Variants in CUX1 observed in about 807,000 individuals in gnomAD.
The protein encoded by CUX1 is cut like homeobox 1.
CUX1 carries 31 observed loss-of-function variants against 158.8 expected under a neutral mutation model. The observed-to-expected ratio is 0.20, with a 90% CI of 0.15 to 0.26. The LOEUF (loss-of-function observed/expected upper bound fraction) is 0.26. Among genes scored for constraint, CUX1 ranks in the 10% least tolerant of loss-of-function variants. CUX1 has a pLI of 1.00. For missense variants in CUX1, 1,589 were observed against 2,014.6 expected (o/e 0.79, Z 4.04); for synonymous variants, 879 against 862.1 (o/e 1.02, Z -0.34).
At chr7:101,999,653 C>T (rs974944124) in intron 2 of CUX1, among the ~76,000 whole-genome samples, 10 of 152,190 alleles carry the variant, frequency 6.6e-5, no homozygotes, top group Non-Finnish European at 1.3e-4. Context: ...CAGAGGATGA[C>T]GGGCTCGTCT....
rs555009183 is a variant in CUX1, at chr7:101,916,653, G to C, written c.141+428G>C. On this transcript the variant is annotated intron_variant, in intron 2 of 23. Transcript: ENST00000292535. The surrounding 1 kb of genome is among the most constrained non-coding windows in gnomAD (Gnocchi z 4.4). Reference sequence around the variant, plus strand: ...TGCTGGTGCAGGCGGAGTGTCTGAAGGCTGCACGCATCTGGGCATAGCAGT... The same window carrying C: ...TGCTGGTGCAGGCGGAGTGTCTGAACGCTGCACGCATCTGGGCATAGCAGT... The C allele has an allele frequency of 5.0e-6, 1 of 200,558 alleles. No individual in the cohort carries two copies. Among genetic ancestry groups the C allele is most frequent in the East Asian group, 1.1e-4 (1 of 8,944 alleles). The allele number at this position is 200,558 out of a possible 1,614,324, so 12.4% of individuals were successfully genotyped here.
chr7:102,097,516 C>G lies in CUX1; in HGVS notation c.406+15C>G. On this transcript the variant is annotated intron_variant, in intron 5 of 23. Transcript: ENST00000292535. ...GAAAAATCAAGGTTGGTGGAAAATG[C>G]GTTCTTTGCTTTTTCTTTTCTTCTT... 2 of 1,572,192 alleles carry G rather than the reference C, an allele frequency of 1.3e-6. No individual in the cohort carries two copies. The highest frequency in any genetic ancestry group is 1.7e-6 in the Non-Finnish European group (2 of 1,167,076).
intron 9 of CUX1, among the ~76,000 whole-genome samples, chr7:102,168,374 G>A (rs899585401): frequency 2.0e-5 from 3 of 152,076 alleles, no homozygotes; most frequent in Non-Finnish European, 2.9e-5. Flanking sequence ...TTGGCTGGGC[G>A]CGGTGGCTCA....
chr7:101,874,911 C>T (rs1468884946), intron 1 of CUX1, among the ~76,000 whole-genome samples: 1 of 152,214 alleles, frequency 6.6e-6, no homozygotes, highest in East Asian at 1.9e-4. Flanking sequence ...TGGGGGGCCG[C>T]CTGTCCCAGA....
intron 9 of CUX1, among the ~76,000 whole-genome samples, chr7:102,165,122 C>T (rs561811632): frequency 6.6e-6 from 1 of 152,212 alleles, no homozygotes; most frequent in South Asian, 2.1e-4. Context: ...AGGTCTGGGG[C>T]CATGTCGCAC....
At chr7:101,832,593 A>G (rs1794169134) in intron 1 of CUX1, among the ~76,000 whole-genome samples, 1 of 152,078 alleles carries the variant, frequency 6.6e-6, no homozygotes, top group South Asian at 2.1e-4. Flanking sequence ...TCCTTTATTC[A>G]TCCCTATTTG....
rs28494605 is a variant in CUX1 at position 101,894,158 on chromosome 7, G to A, written c.31-21957G>A. 6.4e-3 allele frequency among the ~76,000 whole-genome samples: 973 copies of A among 152,298 alleles called. 12 individuals are homozygous for A. Among genetic ancestry groups the A allele is most frequent in the African/African-American group, 0.023 (948 of 41,556 alleles). On this transcript the variant is annotated intron_variant, in intron 1 of 23. Coordinates refer to ENST00000292535, the MANE Select transcript of CUX1 (RefSeq NM_181552.4). ...CACCATAGTGGGTCGCCAAGTAGGAGAATGTCTTATGTAGGGATTTGGTGG... is the reference window on the plus strand; with the variant it reads ...CACCATAGTGGGTCGCCAAGTAGGAAAATGTCTTATGTAGGGATTTGGTGG...
Position 101,873,261 on chromosome 7 carries a change from G to A in CUX1, c.31-42854G>A, listed in dbSNP as rs188417512. On this transcript the variant is annotated intron_variant, in intron 1 of 23. Coordinates refer to ENST00000292535, the MANE Select transcript of CUX1 (RefSeq NM_181552.4). ...GTACAGGTTTGTTACATAGGTAAAC[G>A]TGTGTACCATGGTGGTTTGCTGCAC... Among the ~76,000 whole-genome samples the A allele has an allele frequency of 2.7e-3, 409 of 149,164 alleles. 2 individuals are homozygous for A. Among genetic ancestry groups the A allele is most frequent in the Middle Eastern group, 6.8e-3 (2 of 292 alleles).
rs782606547 is a variant in CUX1 at position 102,275,246 on chromosome 7, G to A, written c.1451-1G>A. ...CCAAGCCACCCTCCTCTACCTGCTA[G>A]GACCTGCAGCACCAGCCAGCGGTGC... is the stretch of plus-strand genomic sequence containing the variant. On this transcript the variant is annotated splice_acceptor_variant, in intron 16 of 22. Coordinates refer to the CUX1 transcript ENST00000292538. LOFTEE classifies it high-confidence loss of function. 5 of 1,604,734 alleles carry A rather than the reference G, an allele frequency of 3.1e-6. No homozygotes were observed. The highest frequency in any genetic ancestry group is 4.3e-6 in the Non-Finnish European group (5 of 1,175,452).
intron 2 of CUX1, among the ~76,000 whole-genome samples, chr7:102,027,523 A>G (rs565091226): frequency 6.6e-6 from 1 of 152,264 alleles, no homozygotes; most frequent in South Asian, 2.1e-4. Flanking sequence ...AGTCTGTAGC[A>G]CATTCAAAAT....
intron 4 of CUX1, among the ~76,000 whole-genome samples, chr7:102,084,882 T>TG (rs58542842): frequency 3.0e-5 from 4 of 131,482 alleles, no homozygotes; most frequent in South Asian, 4.5e-4. Context: ...TTTTTTTTTT[T>TG]GGCACTTGCT....
At chr7:102,089,105 CTG>C (rs1324148044) in intron 4 of CUX1, among the ~76,000 whole-genome samples, 46 of 152,176 alleles carry the variant, frequency 3.0e-4, no homozygotes, top group Admixed American at 9.2e-4. Context: ...TTTTCTTTCA[CTG>C]TGTCTAATCT....
At chr7:102,182,557 G>A (rs567327504) in intron 11 of CUX1, among the ~76,000 whole-genome samples, 4 of 152,290 alleles carry the variant, frequency 2.6e-5, no homozygotes, top group South Asian at 2.1e-4. Context: ...CGCTATCCAC[G>A]TGTGTCATGG....
rs1018671734 is a variant in CUX1 at position 102,239,324 on chromosome 7, C to T, written c.3627C>T (p.Tyr1209=). 5 of 1,602,650 alleles carry T rather than the reference C, an allele frequency of 3.1e-6. No homozygotes were observed. The highest frequency in any genetic ancestry group is 1.3e-5 in the African/African-American group (1 of 74,856). Residue 1209 remains tyrosine (Y), a synonymous_variant, in exon 23 of 24, where the codon TAC becomes TAT. Coordinates refer to ENST00000292535, the MANE Select transcript of CUX1 (RefSeq NM_181552.4). Reference sequence around the variant, plus strand: ...CTGCCATCTCTTCCTCCGCAGCCTACATGAAGCGGCGGCACAGCTCAGTCA... The same window carrying T: ...CTGCCATCTCTTCCTCCGCAGCCTATATGAAGCGGCGGCACAGCTCAGTCA... ...MDMKRMEKKA[Y]MKRRHSSVSD...
chr7:101,963,311 G>A (rs1222807589), intron 2 of CUX1, among the ~76,000 whole-genome samples: 3 of 152,196 alleles, frequency 2.0e-5, no homozygotes, highest in Non-Finnish European at 2.9e-5. Context: ...AATCACATGG[G>A]TTAGGTGCCC....
chr7:102,223,894 G>A (rs781854605), intron 20 of CUX1, among the ~76,000 whole-genome samples: 4 of 152,094 alleles, frequency 2.6e-5, no homozygotes, highest in Non-Finnish European at 2.9e-5. Flanking sequence ...GTTTGAACCC[G>A]GGAGGCGGAA....
intron 1 of CUX1, among the ~76,000 whole-genome samples, chr7:101,855,553 T>C (rs546456552): frequency 1.3e-5 from 2 of 152,342 alleles, no homozygotes; most frequent in South Asian, 4.1e-4. Flanking sequence ...ACATTCATTT[T>C]GGTACTTTCT....
intron 15 of CUX1, among the ~76,000 whole-genome samples, chr7:102,273,968 C>T (rs1283161530): frequency 3.9e-5 from 6 of 152,238 alleles, no homozygotes; most frequent in Admixed American, 6.5e-5. Context: ...CAGGGAGGCC[C>T]AGGTGTCTGA....
intron 8 of CUX1, among the ~76,000 whole-genome samples, chr7:102,142,823 G>A (rs1334092934): frequency 6.6e-6 from 1 of 151,190 alleles, no homozygotes; most frequent in African/African-American, 2.4e-5. Flanking sequence ...TTGGGAGGCC[G>A]AGGCAGGAGG....
Sources: gnomAD v4.1 joint callset for allele counts (sites outside exome capture counted in the v4.1 genomes callset) on GRCh38, gnomAD v4.1.1 for gene constraint, Gnocchi (gnomAD v3.1) non-coding constraint, MANE v1.5 for transcripts, NCBI Gene and HGNC (gene_info 2026-07-23, HGNC 2026-07-21) for gene names.